The following SPEF2 variants were observed in gnomAD, a reference collection of about 807,000 sequenced individuals.
SPEF2 encodes sperm flagella and cilia-associated protein 2.
SPEF2 carries 187 observed loss-of-function variants against 224.6 expected under a neutral mutation model. That is an observed-to-expected ratio of 0.83 (90% CI 0.74 to 0.94). SPEF2 has a LOEUF of 0.94. Among genes scored for constraint, SPEF2 ranks in the 40% least tolerant of loss-of-function variants. SPEF2 has a pLI of 0.00. For synonymous variants in SPEF2, 715 were observed against 707.3 expected, an observed-to-expected ratio of 1.01 and a Z score of -0.17; for missense variants, 2,170 against 2,135.6, an observed-to-expected ratio of 1.02 and a Z score of -0.32.
intron 30 of SPEF2, among the ~76,000 whole-genome samples, chr5:35,782,900 TATTG>T (rs1754542485): frequency 6.6e-6 from 1 of 152,174 alleles, no homozygotes; most frequent in African/African-American, 2.4e-5. Context: ...AAATATTATT[TATTG>T]ATTATTATTA....
In SPEF2 at chr5:35,617,967, C is replaced by T; in HGVS notation, c.-31C>T. On this transcript the variant is annotated 5_prime_UTR_variant, in exon 1 of 37. Transcript: ENST00000356031. Reference sequence around the variant, plus strand: ...TTGGTTCCTGGCGAGTTTCTAAGCCCCCGCCTGCGGTCTGAGGCACCGGCT... The same window carrying T: ...TTGGTTCCTGGCGAGTTTCTAAGCCTCCGCCTGCGGTCTGAGGCACCGGCT... 6.4e-7 allele frequency: 1 copy of T among 1,561,362 alleles called. No homozygotes were observed. The highest frequency in any genetic ancestry group is 8.7e-7 in the Non-Finnish European group (1 of 1,150,860).
chr5:35,630,293 A>T (rs1744904336), intron 2 of SPEF2, among the ~76,000 whole-genome samples: 1 of 152,124 alleles, frequency 6.6e-6, no homozygotes, highest in African/African-American at 2.4e-5. Flanking sequence ...TCCACTAGGT[A>T]GTTCCCCACT....
At chr5:35,655,797 A>T (rs928995977) in intron 7 of SPEF2, among the ~76,000 whole-genome samples, 2 of 152,234 alleles carry the variant, frequency 1.3e-5, no homozygotes, top group Admixed American at 6.5e-5. Context: ...TAAGATACAC[A>T]GAAAGAAATA....
At chr5:35,807,021 A>G (rs1011299556) in intron 35 of SPEF2, 69 bp downstream of exon 35, 2 of 1,560,936 alleles carry the variant, frequency 1.3e-6, no homozygotes, top group East Asian at 2.2e-5. Flanking sequence ...TGCTCTCAAA[A>G]TATATCATAG....
chr5:35,689,424 C>T (rs886876372), intron 10 of SPEF2, among the ~76,000 whole-genome samples: 4 of 152,008 alleles, frequency 2.6e-5, no homozygotes, highest in Non-Finnish European at 5.9e-5. Context: ...TTGCATGATG[C>T]TATGTTTGGG....
chr5:35,724,200 G>A (rs574539225), intron 20 of SPEF2, among the ~76,000 whole-genome samples: 3 of 152,136 alleles, frequency 2.0e-5, no homozygotes, highest in South Asian at 4.2e-4. Flanking sequence ...AAAACAAAAA[G>A]CCTCTTCACT....
intron 5 of SPEF2, among the ~76,000 whole-genome samples, chr5:35,649,013 CAA>C (rs1254494736): frequency 3.2e-4 from 25 of 79,002 alleles, no homozygotes; most frequent in Non-Finnish European, 2.4e-4. Context: ...GACTCCATCT[CAA>C]AAAAAAAAAA....
intron 6 of SPEF2, among the ~76,000 whole-genome samples, chr5:35,650,124 A>G (rs1170786358): frequency 6.6e-6 from 1 of 152,254 alleles, no homozygotes; most frequent in Admixed American, 6.5e-5. Flanking sequence ...AAAGAAAAGC[A>G]GAAAAAAATT....
chr5:35,677,929 C>G (rs1752248011), intron 10 of SPEF2, among the ~76,000 whole-genome samples: 1 of 152,206 alleles, frequency 6.6e-6, no homozygotes, highest in African/African-American at 2.4e-5. Flanking sequence ...AAACCTGTCA[C>G]TGCTGAGCTT....
chr5:35,765,966 C>T (rs1424752504), intron 26 of SPEF2, among the ~76,000 whole-genome samples: 1 of 152,072 alleles, frequency 6.6e-6, no homozygotes, highest in African/African-American at 2.4e-5. Context: ...CATCACATTC[C>T]TGGAGTAAGT....
intron 34 of SPEF2, among the ~76,000 whole-genome samples, chr5:35,804,459 C>T (rs540828501): frequency 2.0e-5 from 3 of 152,280 alleles, no homozygotes; most frequent in African/African-American, 2.4e-5. Flanking sequence ...TCAACATCAC[C>T]AGCTTTCAGA....
Position 35,694,296 on chromosome 5 carries a change from A to G in SPEF2, c.1908A>G (p.Gln636=), listed in dbSNP as rs1754967807. 1 of 1,613,468 alleles carries G rather than the reference A, an allele frequency of 6.2e-7. No homozygotes were observed. Among genetic ancestry groups the G allele is most frequent in the Non-Finnish European group, 8.5e-7 (1 of 1,179,716 alleles). Residue 636 remains glutamine (Q), a synonymous_variant, in exon 13 of 37, where the codon CAA becomes CAG. Coordinates refer to ENST00000356031, the MANE Select transcript of SPEF2 (RefSeq NM_024867.4). ...GTGTTTTCTCTCCAAAGGATCCACA[A>G]CATGTATTTTCAGCTGGTCCAGTTT... ...QEEIKESQDP[Q]HVFSAGPVSD...
chr5:35,797,634 T>C (rs1174339004), intron 33 of SPEF2, among the ~76,000 whole-genome samples: 1 of 152,144 alleles, frequency 6.6e-6, no homozygotes, highest in Non-Finnish European at 1.5e-5. Context: ...TAATAAGTCC[T>C]ATGTGTCAGT....
intron 20 of SPEF2, among the ~76,000 whole-genome samples, chr5:35,720,934 T>C (rs1268788555): frequency 2.1e-5 from 3 of 140,704 alleles, no homozygotes; most frequent in African/African-American, 7.7e-5. Context: ...CTTGATATTA[T>C]TGAATAGAAT....
At chr5:35,743,030 A>G (rs1747924361) in intron 23 of SPEF2, among the ~76,000 whole-genome samples, 1 of 151,498 alleles carries the variant, frequency 6.6e-6, no homozygotes, top group South Asian at 2.1e-4. Flanking sequence ...TTTTTCAGAA[A>G]GTTAATCCAA....
intron 33 of SPEF2, among the ~76,000 whole-genome samples, chr5:35,796,604 T>TCC (rs773419326): frequency 1.1e-4 from 5 of 43,864 alleles, no homozygotes; most frequent in Non-Finnish European, 2.4e-4. Flanking sequence ...AGAGCGAGAC[T>TCC]GTCTCAAAAA....
At chr5:35,705,340 A>C (rs1468906747) in intron 17 of SPEF2, among the ~76,000 whole-genome samples, 1 of 152,032 alleles carries the variant, frequency 6.6e-6, no homozygotes, top group Non-Finnish European at 1.5e-5. Flanking sequence ...ATCCGAAGAG[A>C]GTTCAGAGTT....
At chr5:35,751,096 C>CATATATATATAT (rs376188111) in intron 23 of SPEF2, among the ~76,000 whole-genome samples, 57 of 30,546 alleles carry the variant, frequency 1.9e-3, no homozygotes, top group African/African-American at 5.0e-3. Flanking sequence ...CACACACACA[C>CATATATATATAT]ATATATATAT....
rs566001148 is a variant in SPEF2, at chr5:35,790,417, T to C, written c.4448-1923T>C. ...TTTGTTGCTTAGCAATGTAGCTCTT[T>C]TGCATAGTAAAAAATAAAATAAAAT... is the stretch of plus-strand genomic sequence containing the variant. On this transcript the variant is annotated intron_variant, in intron 30 of 36. Coordinates refer to ENST00000356031, the MANE Select transcript of SPEF2 (RefSeq NM_024867.4). 1.6e-5 allele frequency: 7 copies of C among 448,282 alleles called. No individual in the cohort carries two copies. The South Asian group carries it at 4.3e-4, about 27-fold the overall frequency. 27.8% of individuals were successfully genotyped at this position (448,282 alleles called of 1,614,324 possible). A position where few individuals can be genotyped will look rare whatever the true frequency, so the allele number is the denominator to read the frequency against.
Sources: allele counts gnomAD v4.1 joint callset (sites outside exome capture counted in the v4.1 genomes callset), GRCh38; gene constraint gnomAD v4.1.1; transcripts MANE v1.5; gene names NCBI Gene and HGNC (gene_info 2026-07-23, HGNC 2026-07-21).